The following CNTN4 variants were observed in gnomAD, a reference collection of about 807,000 sequenced individuals.
The protein encoded by CNTN4 is contactin 4.
CNTN4 carries 77 observed loss-of-function variants against 122.5 expected under a neutral mutation model. That is an observed-to-expected ratio of 0.63 (90% CI 0.52 to 0.76). The LOEUF (loss-of-function observed/expected upper bound fraction) is 0.76. CNTN4 is among the 30% of genes least tolerant of loss of function. CNTN4 has a pLI of 0.00. For synonymous variants in CNTN4, 512 were observed against 447.0 expected (o/e 1.15, Z -1.83); for missense variants, 1,256 against 1,259.1 (o/e 1.00, Z 0.04).
At chr3:2,781,835 C>G in intron 6 of CNTN4, among the ~76,000 whole-genome samples, 1 of 134,634 alleles carries the variant, frequency 7.4e-6, no homozygotes, top group African/African-American at 3.3e-5. Flanking sequence ...CGCCATTCTC[C>G]TGCCTCAGCC....
rs150094167 is a variant in CNTN4, at chr3:2,501,576, G to T, written c.-88-69840G>T. Among the ~76,000 whole-genome samples the T allele has an allele frequency of 4.7e-3, 719 of 152,178 alleles. 6 individuals are homozygous for T. Among genetic ancestry groups the T allele is most frequent in the African/African-American group, 0.016 (683 of 41,514 alleles). On this transcript the variant is annotated intron_variant, in intron 3 of 24. Coordinates refer to ENST00000418658, the MANE Select transcript of CNTN4 (RefSeq NM_175607.3). Reference sequence around the variant, plus strand: ...TGTGGCCTGTTCATATAAAAAGCTAGCAGTGTACCATCTTCAAATGTCACT... The same window carrying T: ...TGTGGCCTGTTCATATAAAAAGCTATCAGTGTACCATCTTCAAATGTCACT...
At chr3:2,318,843 A>G (rs146421484) in intron 2 of CNTN4, among the ~76,000 whole-genome samples, 1,892 of 152,184 alleles carry the variant, frequency 0.012, 16 homozygotes, top group Non-Finnish European at 0.021. Context: ...AAGTCTTGCT[A>G]TGTTGCCAAG....
intron 3 of CNTN4, among the ~76,000 whole-genome samples, chr3:2,560,145 C>T (rs1025564556): frequency 4.0e-4 from 58 of 144,440 alleles, no homozygotes; most frequent in African/African-American, 1.3e-3. Context: ...TTTTCTTTTT[C>T]TTTTTTTTTT....
intron 3 of CNTN4, among the ~76,000 whole-genome samples, chr3:2,563,919 TAA>T (rs879515819): frequency 7.1e-6 from 1 of 141,202 alleles, no homozygotes; most frequent in African/African-American, 2.6e-5. Context: ...ACAAGTACTA[TAA>T]AAAAAAAAAG....
At chr3:2,931,889 C>G (rs950566672) in intron 13 of CNTN4, among the ~76,000 whole-genome samples, 36 of 152,158 alleles carry the variant, frequency 2.4e-4, no homozygotes, top group African/African-American at 8.7e-4. Flanking sequence ...CTTAAGCAAA[C>G]CTCCTGTCTC....
chr3:2,168,932 C>A (rs1372717576), intron 2 of CNTN4, among the ~76,000 whole-genome samples: 1 of 152,168 alleles, frequency 6.6e-6, no homozygotes, highest in Non-Finnish European at 1.5e-5. Flanking sequence ...TAGATTTACC[C>A]TCAGTTCTGC....
At chr3:2,193,700 C>T (rs559930295) in intron 2 of CNTN4, among the ~76,000 whole-genome samples, 9 of 152,114 alleles carry the variant, frequency 5.9e-5, no homozygotes, top group East Asian at 3.9e-4. Flanking sequence ...GACTATGGCC[C>T]CATAAGATTA....
chr3:2,991,654 C>T (rs527390846), intron 14 of CNTN4, among the ~76,000 whole-genome samples: 5 of 152,178 alleles, frequency 3.3e-5, no homozygotes, highest in African/African-American at 1.2e-4. Flanking sequence ...AGGACATTAA[C>T]ATAAACTGAG....
chr3:2,356,748 C>T (rs1335662749), intron 3 of CNTN4, among the ~76,000 whole-genome samples: 1 of 152,172 alleles, frequency 6.6e-6, no homozygotes. Flanking sequence ...TGTTCAAACA[C>T]CTCTGACACA....
chr3:2,622,200 T>G (rs2082016697), intron 4 of CNTN4, among the ~76,000 whole-genome samples: 1 of 152,152 alleles, frequency 6.6e-6, no homozygotes, highest in South Asian at 2.1e-4. Context: ...TAGGAGGAGA[T>G]TTAATATTTA....
chr3:2,965,214 A>G (rs1692181458), intron 13 of CNTN4, among the ~76,000 whole-genome samples: 2 of 152,218 alleles, frequency 1.3e-5, no homozygotes, highest in Non-Finnish European at 2.9e-5. Flanking sequence ...CTCATTGCAG[A>G]CAAGCATATC....
At chr3:2,306,354 A>G (rs1223226136) in intron 2 of CNTN4, among the ~76,000 whole-genome samples, 1 of 152,158 alleles carries the variant, frequency 6.6e-6, no homozygotes, top group African/African-American at 2.4e-5. Context: ...GTGAATGGAA[A>G]GTGTTTCTCA....
intron 3 of CNTN4, among the ~76,000 whole-genome samples, chr3:2,502,121 A>G (rs2076610612): frequency 6.6e-6 from 1 of 152,162 alleles, no homozygotes; most frequent in African/African-American, 2.4e-5. Context: ...TCTGGCCCCA[A>G]GCATTTTGGA....
At chr3:2,667,649 G>C (rs1342997660) in intron 4 of CNTN4, among the ~76,000 whole-genome samples, 3 of 141,158 alleles carry the variant, frequency 2.1e-5, no homozygotes, top group East Asian at 4.1e-4. Context: ...TGGTGTTTTA[G>C]ACATGAAGTC....
intron 3 of CNTN4, among the ~76,000 whole-genome samples, chr3:2,412,496 G>A (rs1484801949): frequency 6.6e-6 from 1 of 151,988 alleles, no homozygotes; most frequent in Non-Finnish European, 1.5e-5. Context: ...CAGGTGATTT[G>A]CCCTCCTCAG....
chr3:3,001,727 A>C (rs948834279), intron 14 of CNTN4, among the ~76,000 whole-genome samples: 1 of 152,186 alleles, frequency 6.6e-6, no homozygotes, highest in Admixed American at 6.5e-5. Flanking sequence ...CCAGCTCTTG[A>C]TTATTTCCAA....
intron 2 of CNTN4, among the ~76,000 whole-genome samples, chr3:2,267,745 A>G (rs1298472286): frequency 1.3e-5 from 2 of 151,982 alleles, no homozygotes; most frequent in Admixed American, 6.6e-5. Context: ...ATTGTCAAAG[A>G]ATATTGGATT....
At chr3:2,410,647 G>A (rs1474566658) in intron 3 of CNTN4, among the ~76,000 whole-genome samples, 1 of 152,140 alleles carries the variant, frequency 6.6e-6, no homozygotes, top group Non-Finnish European at 1.5e-5. Context: ...CCACAGGTAG[G>A]TTACTAGGGT....
intron 3 of CNTN4, among the ~76,000 whole-genome samples, chr3:2,442,791 G>C (rs1214369774): frequency 6.6e-6 from 1 of 152,108 alleles, no homozygotes; most frequent in African/African-American, 2.4e-5. Flanking sequence ...TTCTAAATGT[G>C]AATCCTAAAT....
Sources: allele counts gnomAD v4.1 joint callset (sites outside exome capture counted in the v4.1 genomes callset), GRCh38; gene constraint gnomAD v4.1.1; transcripts MANE v1.5; gene names NCBI Gene and HGNC (gene_info 2026-07-23, HGNC 2026-07-21).